RGSL1: variants seen among roughly 807,000 people sequenced by gnomAD.
The protein encoded by RGSL1 is regulator of G protein signaling protein-like.
A neutral mutation model predicts 124.7 loss-of-function variants in RGSL1; 97 were observed. The observed-to-expected ratio is 0.78, with a 90% CI of 0.66 to 0.92. RGSL1 has a LOEUF of 0.92. RGSL1 is among the 40% of genes least tolerant of loss of function. The pLI is 0.00. For synonymous variants in RGSL1, 424 were observed against 438.1 expected (o/e 0.97, Z 0.40); for missense variants, 1,233 against 1,288.4 (o/e 0.96, Z 0.66).
rs547829842 is a variant in RGSL1 at position 182,459,961 on chromosome 1, G to A, written c.172-43G>A. On this transcript the variant is annotated intron_variant, in intron 3 of 21. Coordinates refer to ENST00000294854, the MANE Select transcript of RGSL1 (RefSeq NM_001137669.2). ...CTAAGTTGTATTTTTTTAGCAGTTC[G>A]GTTTCACTTAGCATTTTTGTTTCTA... 2.1e-5 allele frequency: 33 copies of A among 1,537,202 alleles called. No individual in the cohort carries two copies. In the East Asian group the frequency reaches 4.2e-4, roughly 19 times the overall value.
At position 182,540,513 on chromosome 1, in the gene RGSL1, C is replaced by G. The variant is rs926580782; in HGVS notation, c.2669+92C>G. On this transcript the variant is annotated intron_variant, in intron 15 of 21. Coordinates refer to ENST00000294854, the MANE Select transcript of RGSL1 (RefSeq NM_001137669.2). Reference sequence around the variant, plus strand: ...AAACTGGCTTGATCTGTTAGAGATACAGTGATTTCAGACCTGTCCAGTAAG... The same window carrying G: ...AAACTGGCTTGATCTGTTAGAGATAGAGTGATTTCAGACCTGTCCAGTAAG... The G allele has an allele frequency of 8.2e-6, 9 of 1,095,424 alleles. No individual in the cohort carries two copies. In the African/African-American group the frequency reaches 1.3e-4, roughly 16 times the overall value. The allele number at this position is 1,095,424 out of a possible 1,614,324, so 67.9% of individuals were successfully genotyped here. A position where few individuals can be genotyped will look rare whatever the true frequency, so the allele number is the denominator to read the frequency against.
At chr1:182,555,960 C>A (rs1660840147) in intron 20 of RGSL1, 64 bp from the exon 21 acceptor site, 9 of 1,430,688 alleles carry the variant, frequency 6.3e-6, no homozygotes, top group Non-Finnish European at 8.7e-6. Context: ...GACAAACCAA[C>A]AGAGAATGCA....
At chr1:182,523,387 C>T (rs747536681) in intron 10 of RGSL1, among the ~76,000 whole-genome samples, 3 of 152,048 alleles carry the variant, frequency 2.0e-5, no homozygotes, top group Non-Finnish European at 4.4e-5. Context: ...AGTCTTTTGT[C>T]TCTTCTAACC....
chr1:182,483,843 C>T (rs1057158640), intron 6 of RGSL1, among the ~76,000 whole-genome samples: 1 of 152,008 alleles, frequency 6.6e-6, no homozygotes, highest in Non-Finnish European at 1.5e-5. Flanking sequence ...GCTCAAGCCC[C>T]GGGGTTCGGT....
intron 9 of RGSL1, among the ~76,000 whole-genome samples, chr1:182,518,578 A>G (rs1658079380): frequency 6.6e-6 from 1 of 152,140 alleles, no homozygotes; most frequent in Non-Finnish European, 1.5e-5. Flanking sequence ...GGCACTCTGA[A>G]TTCTTCCCAT....
intron 14 of RGSL1, among the ~76,000 whole-genome samples, chr1:182,537,052 T>C (rs1410991558): frequency 6.6e-6 from 1 of 152,222 alleles, no homozygotes; most frequent in African/African-American, 2.4e-5. Context: ...TCTGGATATA[T>C]TTTTGATGGA....
chr1:182,463,067 G>A, intron 4 of RGSL1, among the ~76,000 whole-genome samples: 1 of 152,102 alleles, frequency 6.6e-6, no homozygotes, highest in East Asian at 1.9e-4. Flanking sequence ...GCTGAGACGG[G>A]CGGATCATGA....
intron 6 of RGSL1, among the ~76,000 whole-genome samples, chr1:182,475,559 G>C (rs1352977831): frequency 1.3e-5 from 2 of 152,148 alleles, no homozygotes; most frequent in South Asian, 4.1e-4. Context: ...AACCAGGAGA[G>C]AAAGAGCTGT....
intron 14 of RGSL1, among the ~76,000 whole-genome samples, 193 bp downstream of exon 14, chr1:182,532,984 G>A (rs1179050400): frequency 6.6e-6 from 1 of 152,150 alleles, no homozygotes; most frequent in South Asian, 2.1e-4. Flanking sequence ...TCTGCTTAAG[G>A]AGCCAGCAAG....
intron 11 of RGSL1, among the ~76,000 whole-genome samples, chr1:182,529,179 T>G (rs1658978549): frequency 6.6e-6 from 1 of 152,196 alleles, no homozygotes; most frequent in Non-Finnish European, 1.5e-5. Flanking sequence ...TTTCATTTAA[T>G]TTTATTTAAT....
At chr1:182,471,536 C>G (rs961142954) in intron 4 of RGSL1, 2 of 354,478 alleles carry the variant, frequency 5.6e-6, no homozygotes, top group African/African-American at 4.3e-5. Flanking sequence ...AAACTGAGGT[C>G]CATAGTGTAG....
intron 9 of RGSL1, among the ~76,000 whole-genome samples, chr1:182,502,368 G>A (rs1308849695): frequency 2.0e-5 from 3 of 152,104 alleles, no homozygotes; most frequent in African/African-American, 7.2e-5. Flanking sequence ...CTTGAACCTA[G>A]GAGTTTGAGA....
intron 6 of RGSL1, among the ~76,000 whole-genome samples, chr1:182,476,618 A>G (rs1289805532): frequency 1.3e-5 from 2 of 152,218 alleles, no homozygotes; most frequent in Admixed American, 6.5e-5. Flanking sequence ...CTGTCAAAAC[A>G]TAGTGTAATT....
intron 9 of RGSL1, among the ~76,000 whole-genome samples, chr1:182,509,854 C>T (rs80115667): frequency 0.69 from 70,633 of 102,268 alleles, 21,683 homozygotes; most frequent in Non-Finnish European, 0.73. Flanking sequence ...GGGTGGCTGC[C>T]GGGCGGAGAC....
intron 8 of RGSL1, among the ~76,000 whole-genome samples, chr1:182,490,915 C>CT (rs10676767): frequency 0.71 from 91,099 of 128,994 alleles, 32,606 homozygotes; most frequent in Middle Eastern, 0.72. Context: ...AGAACATTAT[C>CT]TTTTTTTTTT....
At chr1:182,467,578 A>G (rs1322278468) in intron 4 of RGSL1, among the ~76,000 whole-genome samples, 1 of 152,240 alleles carries the variant, frequency 6.6e-6, no homozygotes, top group Non-Finnish European at 1.5e-5. Context: ...CAGAAAGCTG[A>G]AACTGGATCC....
At chr1:182,520,548 T>A (rs752608178) in intron 9 of RGSL1, among the ~76,000 whole-genome samples, 2 of 152,204 alleles carry the variant, frequency 1.3e-5, no homozygotes, top group African/African-American at 2.4e-5. Context: ...AAACTGACAT[T>A]CCTGGTTTTT....
intron 3 of RGSL1, among the ~76,000 whole-genome samples, chr1:182,459,234 T>A (rs1319670216): frequency 6.6e-6 from 1 of 152,176 alleles, no homozygotes; most frequent in Non-Finnish European, 1.5e-5. Context: ...TTCTCCCAAT[T>A]TTTTTCTTTA....
rs1381291355 is a variant in RGSL1 at position 182,530,351 on chromosome 1, GAAGAA to G, written c.2237_2241del (p.Glu746ValfsTer3). ...CCAGGGACATGTTATGAAATCTATAGAAGAAAAGTGGTGAGTATACTCAATTAAGG... is the reference window on the plus strand; with the variant it reads ...CCAGGGACATGTTATGAAATCTATAGAAGTGGTGAGTATACTCAATTAAGG... On this transcript the variant is annotated frameshift_variant, in exon 12 of 22. Coordinates refer to ENST00000294854, the MANE Select transcript of RGSL1 (RefSeq NM_001137669.2). LOFTEE classifies it high-confidence loss of function. The G allele has an allele frequency of 6.5e-7, 1 of 1,549,842 alleles. No individual in the cohort carries two copies. Among genetic ancestry groups the G allele is most frequent in the African/African-American group, 1.4e-5 (1 of 72,896 alleles).
Sources: allele counts gnomAD v4.1 joint callset (sites outside exome capture counted in the v4.1 genomes callset), GRCh38; gene constraint gnomAD v4.1.1; transcripts MANE v1.5; gene names NCBI Gene and HGNC (gene_info 2026-07-23, HGNC 2026-07-21).